The following ZFPM2 variants were observed in gnomAD, a reference collection of about 807,000 sequenced individuals.
The protein encoded by ZFPM2 is zinc finger protein, FOG family member 2.
ZFPM2 carries 20 observed loss-of-function variants against 98.6 expected under a neutral mutation model. That is an observed-to-expected ratio of 0.20 (90% confidence interval 0.14 to 0.29). The LOEUF (loss-of-function observed/expected upper bound fraction) is 0.29, where lower values mean the gene tolerates loss of function less well. ZFPM2 is among the 10% of genes least tolerant of loss of function. The pLI is 1.00. For synonymous variants in ZFPM2, 518 were observed against 502.7 expected (o/e 1.03, Z -0.41); for missense variants, 1,310 against 1,388.6 (o/e 0.94, Z 0.90).
chr8:105,476,628 G>C (rs1488953629), intron 3 of ZFPM2, among the ~76,000 whole-genome samples: 2 of 152,160 alleles, frequency 1.3e-5, no homozygotes, highest in Non-Finnish European at 2.9e-5. Flanking sequence ...TGGAAGTGAT[G>C]TGGGATGAGA....
At chr8:105,476,898 C>G (rs1258050914) in intron 3 of ZFPM2, among the ~76,000 whole-genome samples, 1 of 152,012 alleles carries the variant, frequency 6.6e-6, no homozygotes, top group Non-Finnish European at 1.5e-5. Flanking sequence ...GAGTCCCCAT[C>G]CTAGCACAAG....
intron 3 of ZFPM2, among the ~76,000 whole-genome samples, chr8:105,542,936 G>A (rs1435925718): frequency 6.6e-6 from 1 of 152,118 alleles, no homozygotes; most frequent in Non-Finnish European, 1.5e-5. Context: ...GTATGTGCAT[G>A]TTGAATCTGT....
intron 1 of ZFPM2, among the ~76,000 whole-genome samples, chr8:105,368,425 T>C (rs1810552107): frequency 6.6e-6 from 1 of 152,174 alleles, no homozygotes; most frequent in African/African-American, 2.4e-5. Context: ...TTATTTGCTC[T>C]TTGTACTCTT....
At chr8:105,610,292 A>G (rs1816282630) in intron 4 of ZFPM2, among the ~76,000 whole-genome samples, 1 of 152,184 alleles carries the variant, frequency 6.6e-6, no homozygotes, top group Admixed American at 6.5e-5. Context: ...TTGTGATTAA[A>G]AACAGAATAA....
chr8:105,726,941 AGTT>A (rs1053622361), intron 5 of ZFPM2, among the ~76,000 whole-genome samples: 5 of 151,636 alleles, frequency 3.3e-5, no homozygotes, highest in African/African-American at 1.2e-4. Context: ...TAGAGGGAAA[AGTT>A]GTCACATGTA....
At chr8:105,337,236 A>G (rs1006021041) in intron 1 of ZFPM2, among the ~76,000 whole-genome samples, 1 of 151,778 alleles carries the variant, frequency 6.6e-6, no homozygotes, top group Non-Finnish European at 1.5e-5. Context: ...TTAGCAAGTC[A>G]GAGACTGGGG....
At chr8:105,540,462 C>T (rs746500689) in intron 3 of ZFPM2, among the ~76,000 whole-genome samples, 12 of 151,950 alleles carry the variant, frequency 7.9e-5, no homozygotes. Context: ...TCATAGTAGG[C>T]ACTACAAAAT....
At chr8:105,583,518 C>T (rs1271886738) in intron 4 of ZFPM2, among the ~76,000 whole-genome samples, 2 of 152,140 alleles carry the variant, frequency 1.3e-5, no homozygotes, top group Non-Finnish European at 2.9e-5. Context: ...TTTATAATTA[C>T]TTAAATCTGT....
chr8:105,497,017 G>A (rs985721148), intron 3 of ZFPM2, among the ~76,000 whole-genome samples: 4 of 138,748 alleles, frequency 2.9e-5, no homozygotes, highest in Non-Finnish European at 4.6e-5. Flanking sequence ...GATGAGTCTC[G>A]CTCTGTCGCC....
At chr8:105,774,307 T>C (rs1275535790) in intron 5 of ZFPM2, among the ~76,000 whole-genome samples, 1 of 152,032 alleles carries the variant, frequency 6.6e-6, no homozygotes, top group East Asian at 1.9e-4. Context: ...CTTAGAAAAA[T>C]GAAATAAAAA....
intron 3 of ZFPM2, among the ~76,000 whole-genome samples, chr8:105,532,910 C>G (rs2130588963): frequency 6.6e-6 from 1 of 152,112 alleles, no homozygotes; most frequent in South Asian, 2.1e-4. Flanking sequence ...CTGAAAATCC[C>G]AACATTGGAA....
rs771987459 is a variant in ZFPM2 at position 105,802,844 on chromosome 8, A to G, written c.2762A>G (p.Asn921Ser). 2.4e-5 allele frequency: 38 copies of G among 1,613,732 alleles called. No homozygotes were observed. The highest frequency in any genetic ancestry group is 3.1e-5 in the Non-Finnish European group (37 of 1,179,826). ...RSIIKCEKNG[N>S]LKQPSPNGNL... is the part of the protein sequence containing the mutation. ...ATAATAAAATGTGAGAAAAATGGGA[A>G]TTTGAAGCAGCCTTCCCCCAATGGA... The change falls in exon 8 of 8, where the codon AAT becomes AGT. Residue 921 changes from asparagine to serine, a missense_variant. Physicochemically the swap from Asn to Ser is conservative, Grantham distance 46. Transcript: ENST00000407775.
At chr8:105,486,262 C>T (rs543076336) in intron 3 of ZFPM2, among the ~76,000 whole-genome samples, 1 of 152,024 alleles carries the variant, frequency 6.6e-6, no homozygotes, top group African/African-American at 2.4e-5. Flanking sequence ...AAACATGATG[C>T]GTGACTTTTC....
intron 4 of ZFPM2, among the ~76,000 whole-genome samples, chr8:105,572,033 CTTT>C (rs869198147): frequency 9.7e-6 from 1 of 103,368 alleles, no homozygotes; most frequent in Admixed American, 1.2e-4. Context: ...GGGTAAATTT[CTTT>C]TTTTTTTTTT....
At chr8:105,519,243 A>G (rs1187819839) in intron 3 of ZFPM2, among the ~76,000 whole-genome samples, 2 of 152,112 alleles carry the variant, frequency 1.3e-5, no homozygotes, top group Non-Finnish European at 2.9e-5. Flanking sequence ...TTATTATGCT[A>G]TGGTGTATAA....
intron 5 of ZFPM2, among the ~76,000 whole-genome samples, chr8:105,696,151 A>T (rs1811012557): frequency 1.3e-5 from 2 of 152,176 alleles, no homozygotes. Flanking sequence ...ACACAGTGAG[A>T]AGATTAGGGA....
intron 1 of ZFPM2, among the ~76,000 whole-genome samples, chr8:105,368,070 T>G (rs1758337949): frequency 1.0e-5 from 1 of 96,164 alleles, no homozygotes; most frequent in African/African-American, 4.1e-5. Flanking sequence ...ATCCCAGGGA[T>G]GAAGCCCACT....
intron 4 of ZFPM2, among the ~76,000 whole-genome samples, chr8:105,608,297 C>T (rs528118528): frequency 8.6e-5 from 13 of 152,022 alleles, no homozygotes; most frequent in South Asian, 4.1e-4. Flanking sequence ...ACCTGCACAA[C>T]GTACCCTCGA....
At chr8:105,579,898 A>C (rs1267434351) in intron 4 of ZFPM2, among the ~76,000 whole-genome samples, 1 of 152,114 alleles carries the variant, frequency 6.6e-6, no homozygotes, top group Non-Finnish European at 1.5e-5. Context: ...AAAAGACTCA[A>C]ATATAGCTGT....
Sources: gnomAD v4.1 joint callset for allele counts (sites outside exome capture counted in the v4.1 genomes callset) on GRCh38, gnomAD v4.1.1 for gene constraint, MANE v1.5 for transcripts, NCBI Gene and HGNC (gene_info 2026-07-23, HGNC 2026-07-21) for gene names.